PARD3: variants seen among roughly 807,000 people sequenced by gnomAD.
The protein encoded by PARD3 is partitioning defective 3 homolog.
A neutral mutation model predicts 155.4 loss-of-function variants in PARD3; 75 were observed. The ratio of observed to expected loss-of-function variants is 0.48; its 90% CI spans 0.40 to 0.58. The LOEUF (loss-of-function observed/expected upper bound fraction) is 0.58, where lower values mean the gene tolerates loss of function less well. Among genes scored for constraint, PARD3 ranks in the 20% least tolerant of loss-of-function variants. The pLI is 0.00. For missense variants in PARD3, 1,642 were observed against 1,721.7 expected, an observed-to-expected ratio of 0.95 and a Z score of 0.82; for synonymous variants, 576 against 610.5, an observed-to-expected ratio of 0.94 and a Z score of 0.83.
intron 22 of PARD3, among the ~76,000 whole-genome samples, chr10:34,140,611 G>T (rs1345165521): frequency 6.6e-6 from 1 of 152,208 alleles, no homozygotes; most frequent in African/African-American, 2.4e-5. Flanking sequence ...GAAGACTTAT[G>T]AGGAATGGAG....
At chr10:34,559,044 C>A (rs948105877) in intron 2 of PARD3, among the ~76,000 whole-genome samples, 1 of 151,566 alleles carries the variant, frequency 6.6e-6, no homozygotes, top group Non-Finnish European at 1.5e-5. Flanking sequence ...CTCATTTTTC[C>A]CCCCCACAGA....
chr10:34,172,762 A>C (rs868053574), intron 22 of PARD3, among the ~76,000 whole-genome samples: 2 of 140,116 alleles, frequency 1.4e-5, no homozygotes, highest in Non-Finnish European at 3.2e-5. Context: ...AAAAAAAAAC[A>C]AAAAAAAAAC....
At chr10:34,295,211 G>A (rs1415590852) in intron 20 of PARD3, among the ~76,000 whole-genome samples, 1 of 152,160 alleles carries the variant, frequency 6.6e-6, no homozygotes, top group Non-Finnish European at 1.5e-5. Context: ...GAAACCATCT[G>A]AAATCCTGGG....
At chr10:34,507,437 G>A (rs1589815796) in intron 3 of PARD3, among the ~76,000 whole-genome samples, 1 of 150,510 alleles carries the variant, frequency 6.6e-6, no homozygotes, top group African/African-American at 2.5e-5. Flanking sequence ...TAGAGGTAAC[G>A]TGGCAACGGG....
In PARD3 at chr10:34,336,220, T is replaced by C. The variant is rs1215200789; in HGVS notation, c.2584A>G (p.Thr862Ala). ...LGIADETKLN[T>A]VDDQKAGSPS... Reference sequence around the variant, plus strand: ...TTACCTGCTTTCTGGTCATCCACTGTATTGAGTTTAGTCTCGTCAGCTACT... The same window carrying C: ...TTACCTGCTTTCTGGTCATCCACTGCATTGAGTTTAGTCTCGTCAGCTACT... The change falls in exon 18 of 25, where the codon ACA becomes GCA. Residue 862 changes from threonine (T) to alanine (A), a missense_variant. Physicochemically the swap from Thr to Ala is moderately conservative, Grantham distance 58. Around this residue, in one of 3 missense-constraint regions of PARD3, gnomAD observed 1,529 missense variants for 1,587.3 expected, o/e 0.96. Transcript: ENST00000374788. 1 of 1,612,662 alleles carries C rather than the reference T, an allele frequency of 6.2e-7. No individual in the cohort carries two copies. The highest frequency in any genetic ancestry group is 1.7e-5 in the Admixed American group (1 of 59,942).
intron 7 of PARD3, among the ~76,000 whole-genome samples, chr10:34,386,183 T>C (rs1747151012): frequency 6.6e-6 from 1 of 152,202 alleles, no homozygotes; most frequent in East Asian, 1.9e-4. Flanking sequence ...GCAAGAATTG[T>C]AATTTTAGCG....
chr10:34,266,613 T>A (rs1174661904), intron 22 of PARD3, among the ~76,000 whole-genome samples: 1 of 152,178 alleles, frequency 6.6e-6, no homozygotes, highest in Non-Finnish European at 1.5e-5. Flanking sequence ...GAGGCTGTGC[T>A]TGAGTTAGGA....
At chr10:34,811,747 C>T (rs550494404) in intron 1 of PARD3, among the ~76,000 whole-genome samples, 1 of 152,296 alleles carries the variant, frequency 6.6e-6, no homozygotes, top group East Asian at 1.9e-4. Flanking sequence ...TTTTTATACA[C>T]AGCAGCCCTT....
At chr10:34,229,651 G>T (rs1952810965) in intron 22 of PARD3, among the ~76,000 whole-genome samples, 1 of 125,940 alleles carries the variant, frequency 7.9e-6, no homozygotes. Flanking sequence ...TTCTTCTCTA[G>T]TTGAGGGTGC....
chr10:34,305,808 T>C (rs900486793), intron 20 of PARD3, among the ~76,000 whole-genome samples: 2 of 152,102 alleles, frequency 1.3e-5, no homozygotes, highest in African/African-American at 4.8e-5. Flanking sequence ...TGAGACCGTG[T>C]CTTTACAAAA....
At chr10:34,519,468 T>A (rs945758446) in intron 2 of PARD3, among the ~76,000 whole-genome samples, 1 of 152,208 alleles carries the variant, frequency 6.6e-6, no homozygotes, top group African/African-American at 2.4e-5. Flanking sequence ...AAGTACTCTA[T>A]GTCTTCTTAT....
At chr10:34,672,669 C>T (rs1482075194) in intron 2 of PARD3, among the ~76,000 whole-genome samples, 1 of 152,186 alleles carries the variant, frequency 6.6e-6, no homozygotes, top group Non-Finnish European at 1.5e-5. Context: ...GGCAACAGAG[C>T]GAGGCCCTAT....
chr10:34,650,810 A>G (rs2092987339), intron 2 of PARD3, among the ~76,000 whole-genome samples: 1 of 152,064 alleles, frequency 6.6e-6, no homozygotes. Flanking sequence ...TCAGGAGTTC[A>G]AGACCAGCCT....
chr10:34,361,635 G>C (rs1839448903), intron 12 of PARD3, among the ~76,000 whole-genome samples: 1 of 152,188 alleles, frequency 6.6e-6, no homozygotes, highest in Admixed American at 6.5e-5. Context: ...CTATCTGTAA[G>C]TGAATTTTTT....
In PARD3 at chr10:34,119,639, G is replaced by A. The variant is rs150210995; in HGVS notation, c.3642C>T (p.Ala1214=). ...RQEERESSQQ[A]QRQYSSLPRQ... is the part of the protein sequence containing the mutation. ...GAGGCAGAGAGCTGTACTGGCGCTG[G>A]GCCTGCTGGGAGCTCTCGCGCTCCT... Residue 1214 remains alanine, a synonymous_variant, in exon 24 of 25, where the codon GCC becomes GCT. Coordinates refer to ENST00000374788, the MANE Select transcript of PARD3 (RefSeq NM_001184785.2). 92 of 1,611,152 alleles carry A rather than the reference G, an allele frequency of 5.7e-5. No homozygotes were observed. Among genetic ancestry groups the A allele is most frequent in the Non-Finnish European group, 6.7e-5 (79 of 1,179,142 alleles).
rs750688603 is a variant in PARD3, at chr10:34,605,180, A to ATTT, written c.223-88024_223-88022dup. 1.6e-3 allele frequency among the ~76,000 whole-genome samples: 101 copies of ATTT among 62,480 alleles called. 3 individuals are homozygous for ATTT. Among genetic ancestry groups the ATTT allele is most frequent in the Non-Finnish European group, 1.9e-3 (65 of 34,228 alleles). The allele number at this position is 62,480 out of a possible 152,430, so 41.0% of individuals were successfully genotyped here. Reference sequence around the variant, plus strand: ...TGATCTGAAACAGCCCCAAAATGAAATTTTTTTTTTTTTTTTTTTTTTTTT... The same window carrying ATTT: ...TGATCTGAAACAGCCCCAAAATGAAATTTTTTTTTTTTTTTTTTTTTTTTTTTT... On this transcript the variant is annotated intron_variant, in intron 2 of 24. Coordinates refer to ENST00000374788, the MANE Select transcript of PARD3 (RefSeq NM_001184785.2).
intron 22 of PARD3, among the ~76,000 whole-genome samples, chr10:34,192,510 T>C (rs946822032): frequency 6.6e-6 from 1 of 152,208 alleles, no homozygotes; most frequent in Non-Finnish European, 1.5e-5. Flanking sequence ...CTTCAGTACT[T>C]TGCTTGTTGC....
At chr10:34,344,148 A>G (rs1837127330) in intron 15 of PARD3, 1 of 982,872 alleles carries the variant, frequency 1.0e-6, no homozygotes, top group African/African-American at 1.7e-5. Flanking sequence ...CAGCTAAAAA[A>G]GTTGAGAAAT....
intron 12 of PARD3, among the ~76,000 whole-genome samples, chr10:34,368,001 T>C (rs1840148324): frequency 6.6e-6 from 1 of 152,066 alleles, no homozygotes; most frequent in Non-Finnish European, 1.5e-5. Context: ...ACCTGTAGTC[T>C]CAGCACTTTG....
Sources: allele counts gnomAD v4.1 joint callset (sites outside exome capture counted in the v4.1 genomes callset), GRCh38; gene constraint gnomAD v4.1.1; regional missense constraint gnomAD v4.1.1; transcripts MANE v1.5; gene names NCBI Gene and HGNC (gene_info 2026-07-23, HGNC 2026-07-21).